COX20: variants seen among roughly 807,000 people sequenced by gnomAD.
The protein encoded by COX20 is cytochrome c oxidase assembly factor COX20, also known as cytochrome c oxidase assembly protein COX20, mitochondrial.
In COX20, 14 loss-of-function variants were observed where a neutral mutation model predicts 14.3. That is an observed-to-expected ratio of 0.98 (90% confidence interval 0.65 to 1.53). COX20 has a LOEUF of 1.53. Ranked by LOEUF, COX20 falls within the 40% of genes most tolerant of loss-of-function variation. The pLI is 0.00. For synonymous variants in COX20, 56 were observed against 51.7 expected, an observed-to-expected ratio of 1.08 and a Z score of -0.36; for missense variants, 149 against 142.1, an observed-to-expected ratio of 1.05 and a Z score of -0.25.
intron 1 of COX20, among the ~76,000 whole-genome samples, chr1:244,839,252 G>A (rs998195190): frequency 6.6e-6 from 1 of 152,086 alleles, no homozygotes; most frequent in Admixed American, 6.5e-5. Flanking sequence ...TGCAACCAGA[G>A]GAAAGAAATA....
At position 244,842,229 on chromosome 1, in the gene COX20, A is replaced by C; in HGVS notation, c.192A>C (p.Gly64=). 6.2e-7 allele frequency: 1 copy of C among 1,609,442 alleles called. No individual in the cohort carries two copies. ...GAAGATCATGTGATGTTGGAGTAGG[A>C]GGGTTTATCTTGGTGACTTTGGGAT... The part of the protein sequence containing the change: ...RIRRSCDVGV[G]GFILVTLGCW... Residue 64 remains glycine (G), a synonymous_variant, in exon 3 of 4, where the codon GGA becomes GGC. Transcript: ENST00000411948.
At chr1:244,843,010 T>A (rs1331455004) in intron 3 of COX20, 31 bp from the exon 4 acceptor site, 1 of 1,450,018 alleles carries the variant, frequency 6.9e-7, no homozygotes. Flanking sequence ...GACTTTATAT[T>A]AACAATTTAT....
chr1:244,842,347 T>C (rs1680241871), intron 3 of COX20, 89 bp downstream of exon 3: 1 of 875,270 alleles, frequency 1.1e-6, no homozygotes, highest in Non-Finnish European at 2.0e-6. Flanking sequence ...CAGTCTCCCA[T>C]TGGGAGATCC....
chr1:244,841,828 T>TA (rs1680211961), intron 1 of COX20, 116 bp from the exon 2 acceptor site: 1 of 634,930 alleles, frequency 1.6e-6, no homozygotes, highest in Non-Finnish European at 2.8e-6. Flanking sequence ...ACGTGGCACA[T>TA]ACTCTAGTTT....
At chr1:244,836,542 C>T in intron 1 of COX20, 2 of 1,546,044 alleles carry the variant, frequency 1.3e-6, no homozygotes, top group South Asian at 2.4e-5. Flanking sequence ...TCTTGTTTTC[C>T]TCTTTTCCTG....
intron 1 of COX20, 87 bp downstream of exon 1, chr1:244,835,843 T>A (rs1679960768): frequency 4.1e-6 from 4 of 974,844 alleles, no homozygotes; most frequent in Admixed American, 4.3e-5. Flanking sequence ...GGAGCACGTG[T>A]CACTGGCTTC....
rs759186431 is a variant in COX20 at position 244,841,989 on chromosome 1, G to A, written c.88G>A (p.Ala30Thr). 44 of 1,611,244 alleles carry A rather than the reference G, an allele frequency of 2.7e-5. No individual in the cohort carries two copies. Among genetic ancestry groups the A allele is most frequent in the Admixed American group, 8.3e-5 (5 of 59,924 alleles). Residue 30 changes from alanine (A) to threonine (T), a missense_variant, in exon 2 of 4, where the codon GCC becomes ACC. Ala to Thr is a moderately conservative substitution (Grantham distance 58). Coordinates refer to ENST00000411948, the MANE Select transcript of COX20 (RefSeq NM_198076.6). ...TTTAGATGTTGAAAATACTCCCTGC[G>A]CCCGGCATTCAATATTGTATGGTTC... is the stretch of plus-strand genomic sequence containing the variant. ...GFLDVENTPC[A>T]RHSILYGSLG...
intron 1 of COX20, among the ~76,000 whole-genome samples, chr1:244,838,833 C>T (rs909278092): frequency 1.3e-5 from 2 of 151,962 alleles, no homozygotes; most frequent in African/African-American, 4.8e-5. Context: ...TGCTCTGTTG[C>T]CCAGGCTGGA....
chr1:244,835,645 C>G (rs938249366), upstream of COX20: 19 of 1,174,904 alleles, frequency 1.6e-5, no homozygotes, highest in Non-Finnish European at 1.9e-5. Context: ...CGGGGAGGGG[C>G]GCGGCCAGCC....
At position 244,835,852 on chromosome 1, in the gene COX20, T is replaced by C. The variant is rs566986617; in HGVS notation, c.42+96T>C. 8.3e-4 allele frequency: 722 copies of C among 865,628 alleles called. 17 individuals are homozygous for C. In the South Asian group the frequency reaches 0.036, roughly 43 times the overall value. 53.6% of individuals were successfully genotyped at this position (865,628 alleles called of 1,614,324 possible). A position where few individuals can be genotyped will look rare whatever the true frequency, so the allele number is the denominator to read the frequency against. On this transcript the variant is annotated intron_variant, in intron 1 of 3. Coordinates refer to ENST00000411948, the MANE Select transcript of COX20 (RefSeq NM_198076.6). ...AGGCCCGGAGCACGTGTCACTGGCT[T>C]CTCTGCCACCCATGGGCTTGAAACT... is the stretch of plus-strand genomic sequence containing the variant.
intron 1 of COX20, chr1:244,841,295 C>A (rs1174028356): frequency 6.6e-6 from 1 of 152,182 alleles, no homozygotes; most frequent in Non-Finnish European, 1.5e-5. Context: ...TTTGGATCCC[C>A]GCGTTTTTCA....
chr1:244,841,796 A>G (rs1294107627), intron 1 of COX20, 148 bp from the exon 2 acceptor site: 2 of 585,814 alleles, frequency 3.4e-6, no homozygotes, highest in Non-Finnish European at 6.1e-6. Context: ...GACAAAGACA[A>G]CGCAAGCTGA....
upstream of COX20, chr1:244,835,399 A>G (rs966375461): frequency 1.3e-5 from 4 of 302,204 alleles, no homozygotes; most frequent in Non-Finnish European, 2.4e-5. Context: ...TGGCTCGGTT[A>G]CGCCCCCACC....
upstream of COX20, chr1:244,835,619 G>C: frequency 1.0e-6 from 1 of 975,994 alleles, no homozygotes; most frequent in East Asian, 3.3e-5. Context: ...GGAGGCGGCG[G>C]CGCGTGGGGG....
intron 1 of COX20, among the ~76,000 whole-genome samples, chr1:244,839,059 G>T (rs1438460869): frequency 6.6e-6 from 1 of 152,188 alleles, no homozygotes; most frequent in Non-Finnish European, 1.5e-5. Context: ...CAAAGTGCTG[G>T]GATGACGGGT....
Position 244,841,960 on chromosome 1 carries a change from G to C in COX20, c.59G>C (p.Gly20Ala). 6.3e-7 allele frequency: 1 copy of C among 1,595,882 alleles called. No homozygotes were observed. The highest frequency in any genetic ancestry group is 8.6e-7 in the Non-Finnish European group (1 of 1,165,624). ...PEERKSLKLL[G>A]FLDVENTPCA... ...TCATTCTAGTCCCTTAAGCTCCTAG[G>C]ATTTTTAGATGTTGAAAATACTCCC... The change falls in exon 2 of 4, where the codon GGA becomes GCA. Residue 20 changes from glycine to alanine, a missense_variant. Coordinates refer to ENST00000411948, the MANE Select transcript of COX20 (RefSeq NM_198076.6).
In COX20 at chr1:244,836,495, C is replaced by T. The variant is rs552312416; in HGVS notation, c.42+739C>T. 37 of 1,550,412 alleles carry T rather than the reference C, an allele frequency of 2.4e-5. No individual in the cohort carries two copies. The South Asian group carries it at 4.0e-4, about 17-fold the overall frequency. ...TCCCCATCTTCCCAGGCATCTTGTACGTCGTTACATTTATCATATTGGAAG... is the reference window on the plus strand; with the variant it reads ...TCCCCATCTTCCCAGGCATCTTGTATGTCGTTACATTTATCATATTGGAAG... On this transcript the variant is annotated intron_variant, in intron 1 of 3. Transcript: ENST00000411948.
chr1:244,843,113 G>A lies in COX20; in HGVS notation c.294G>A (p.Lys98=), dbSNP rs764346782. 8.8e-6 allele frequency: 14 copies of A among 1,599,328 alleles called. No individual in the cohort carries two copies. The South Asian group carries it at 1.4e-4, about 16-fold the overall frequency. ...ERIAREEIKK[K]ILYEGTHLDP... is the part of the protein sequence containing the mutation. ...TTGCCAGAGAAGAAATTAAAAAGAA[G>A]ATATTATATGAAGGTACCCACCTCG... The change falls in exon 4 of 4, where the codon AAG becomes AAA. Residue 98 remains lysine, a synonymous_variant. Transcript: ENST00000411948.
At chr1:244,839,980 C>T (rs1026728179) in intron 1 of COX20, 1 of 152,146 alleles carries the variant, frequency 6.6e-6, no homozygotes, top group Non-Finnish European at 1.5e-5. Context: ...CTACCTCCCC[C>T]ACCAGCAGCT....
Sources: allele counts gnomAD v4.1 joint callset (sites outside exome capture counted in the v4.1 genomes callset), GRCh38; gene constraint gnomAD v4.1.1; transcripts MANE v1.5; gene names NCBI Gene and HGNC (gene_info 2026-07-23, HGNC 2026-07-21).